Variants in CNKSR2 observed in about 807,000 individuals in gnomAD.
CNKSR2 encodes the protein CNK homolog protein 2.
CNKSR2 carries 14 observed loss-of-function variants against 84.4 expected under a neutral mutation model. The ratio of observed to expected loss-of-function variants is 0.17; its 90% CI spans 0.11 to 0.26. CNKSR2 has a LOEUF of 0.26. CNKSR2 is among the 10% of genes least tolerant of loss of function. The probability of loss-of-function intolerance (pLI) is 1.00; values close to 1 mark genes in which losing one functional copy is unlikely to be tolerated. For synonymous variants in CNKSR2, 275 were observed against 277.9 expected, an observed-to-expected ratio of 0.99 and a Z score of 0.10; for missense variants, 485 against 771.2, an observed-to-expected ratio of 0.63 and a Z score of 4.40.
At chrX:21,561,333 C>T in intron 11 of CNKSR2, 138 bp from the exon 12 acceptor site, 1 of 515,988 alleles carries the variant, frequency 1.9e-6, no homozygotes. Context: ...AACACATTTT[C>T]TCCATCTACA....
intron 20 of CNKSR2, among the ~76,000 whole-genome samples, chrX:21,636,856 C>G (rs996535093): frequency 1.8e-5 from 2 of 110,708 alleles, no homozygotes; most frequent in Non-Finnish European, 3.8e-5. Flanking sequence ...CGATATATTT[C>G]TATAAAAATT....
At chrX:21,397,146 A>G (rs2090132138) in intron 1 of CNKSR2, among the ~76,000 whole-genome samples, 1 of 111,405 alleles carries the variant, frequency 9.0e-6, no homozygotes. Context: ...ATGATTTTAA[A>G]TCTCATTTTC....
intron 1 of CNKSR2, among the ~76,000 whole-genome samples, chrX:21,384,167 A>G (rs1252414180): frequency 1.8e-5 from 2 of 111,997 alleles, no homozygotes; most frequent in Non-Finnish European, 3.8e-5. Flanking sequence ...ATAGTAGTCC[A>G]GTGGCTAGTT....
chrX:21,434,183 C>T (rs1003407830), intron 3 of CNKSR2, among the ~76,000 whole-genome samples: 16 of 111,219 alleles, frequency 1.4e-4, no homozygotes, highest in Admixed American at 1.3e-3. Flanking sequence ...TAAATTTGCT[C>T]AGCCTTGATA....
intron 1 of CNKSR2, among the ~76,000 whole-genome samples, chrX:21,418,193 C>G (rs370690162): frequency 8.9e-6 from 1 of 111,884 alleles, no homozygotes; most frequent in East Asian, 2.8e-4. Flanking sequence ...ACTTCATACT[C>G]CCACTATTTA....
At chrX:21,584,978 A>G (rs1247913343) in intron 13 of CNKSR2, among the ~76,000 whole-genome samples, 1 of 110,466 alleles carries the variant, frequency 9.1e-6, no homozygotes, top group African/African-American at 3.3e-5. Context: ...TTAGTGGCTC[A>G]CACCTGTAAT....
intron 1 of CNKSR2, among the ~76,000 whole-genome samples, chrX:21,406,043 T>G (rs1461706535): frequency 1.8e-5 from 2 of 110,651 alleles, no homozygotes; most frequent in Non-Finnish European, 3.8e-5. Context: ...GCTATGAAAC[T>G]GTACTGGTTC....
intron 5 of CNKSR2, among the ~76,000 whole-genome samples, chrX:21,479,127 T>C (rs1337169831): frequency 1.8e-5 from 2 of 111,745 alleles, no homozygotes; most frequent in Non-Finnish European, 3.8e-5. Flanking sequence ...TATACACTTT[T>C]TTTAAGCTCT....
chrX:21,497,556 C>G (rs2091513625), intron 6 of CNKSR2, among the ~76,000 whole-genome samples: 1 of 111,298 alleles, frequency 9.0e-6, no homozygotes, highest in African/African-American at 3.3e-5. Context: ...ATTCACTTAT[C>G]AAGTAGTTAT....
At chrX:21,648,477 G>A (rs1404643967) in intron 20 of CNKSR2, among the ~76,000 whole-genome samples, 2 of 111,621 alleles carry the variant, frequency 1.8e-5, no homozygotes, top group African/African-American at 6.5e-5. Context: ...TCCATGTTGT[G>A]TGCCTTTTGT....
intron 20 of CNKSR2, among the ~76,000 whole-genome samples, chrX:21,634,621 A>T (rs1161228769): frequency 9.0e-6 from 1 of 110,861 alleles, no homozygotes; most frequent in African/African-American, 3.3e-5. Flanking sequence ...ATCATAAAGA[A>T]TGTTACAGTA....
At chrX:21,647,150 T>G (rs73453530) in intron 20 of CNKSR2, among the ~76,000 whole-genome samples, 6,900 of 111,983 alleles carry the variant, frequency 0.062, 499 homozygotes, top group African/African-American at 0.21. Context: ...GATTTTTGTA[T>G]TTTTAGATTA....
At chrX:21,584,747 G>A (rs1389013677) in intron 13 of CNKSR2, among the ~76,000 whole-genome samples, 4 of 111,500 alleles carry the variant, frequency 3.6e-5, no homozygotes, top group Non-Finnish European at 1.9e-5. Flanking sequence ...TCTAAGAACA[G>A]CAAAGGTAGC....
intron 17 of CNKSR2, among the ~76,000 whole-genome samples, chrX:21,601,031 C>A (rs762489009): frequency 2.3e-4 from 26 of 111,746 alleles, no homozygotes; most frequent in South Asian, 1.5e-3. Context: ...TCTCCAAACC[C>A]TTTATGTTAC....
At chrX:21,415,861 C>T (rs1396453804) in intron 1 of CNKSR2, among the ~76,000 whole-genome samples, 1 of 103,703 alleles carries the variant, frequency 9.6e-6, no homozygotes, top group East Asian at 2.9e-4. Context: ...CACACACACA[C>T]ACACACACAC....
intron 5 of CNKSR2, among the ~76,000 whole-genome samples, chrX:21,472,110 T>C (rs1317569774): frequency 9.0e-6 from 1 of 111,555 alleles, no homozygotes; most frequent in Non-Finnish European, 1.9e-5. Flanking sequence ...GCTTTACAAA[T>C]TGTACTATCT....
At chrX:21,400,018 T>A (rs2090169232) in intron 1 of CNKSR2, among the ~76,000 whole-genome samples, 1 of 110,961 alleles carries the variant, frequency 9.0e-6, no homozygotes, top group Non-Finnish European at 1.9e-5. Context: ...TGTTGGCTAT[T>A]ATTAGTACCA....
chrX:21,419,671 T>TGGAAAAGATCTG (rs1569157827), intron 1 of CNKSR2, among the ~76,000 whole-genome samples: 1 of 111,777 alleles, frequency 8.9e-6, no homozygotes, highest in Non-Finnish European at 1.9e-5. Flanking sequence ...TTGATGATCT[T>TGGAAAAGATCTG]GGACAAGATC....
At chrX:21,501,024 A>G (rs1178705724) in intron 7 of CNKSR2, among the ~76,000 whole-genome samples, 1 of 111,627 alleles carries the variant, frequency 9.0e-6, no homozygotes. Context: ...TGCTGATCAT[A>G]TTCATGTACT....
Sources: gnomAD v4.1 joint callset for allele counts (sites outside exome capture counted in the v4.1 genomes callset) on GRCh38, gnomAD v4.1.1 for gene constraint, MANE v1.5 for transcripts, NCBI Gene and HGNC (gene_info 2026-07-23, HGNC 2026-07-21) for gene names.